The following CNTN5 variants were observed in gnomAD, a reference collection of about 807,000 sequenced individuals.
CNTN5 encodes contactin-5.
CNTN5 carries 77 observed loss-of-function variants against 129.1 expected under a neutral mutation model. The observed-to-expected ratio is 0.60, with a 90% confidence interval of 0.50 to 0.72. The LOEUF is 0.72. Ranked by LOEUF, CNTN5 falls within the 30% of genes least tolerant of loss-of-function variation. CNTN5 has a pLI of 0.00. For missense variants in CNTN5, 1,478 were observed against 1,328.8 expected, an observed-to-expected ratio of 1.11 and a Z score of -1.75; for synonymous variants, 509 against 465.6, an observed-to-expected ratio of 1.09 and a Z score of -1.20.
intron 2 of CNTN5, among the ~76,000 whole-genome samples, chr11:99,388,654 A>C (rs1941062193): frequency 6.6e-6 from 1 of 152,186 alleles, no homozygotes; most frequent in Non-Finnish European, 1.5e-5. Flanking sequence ...CATTGTAAAC[A>C]TGTACTTAAA....
chr11:99,542,548 T>G (rs1948153180), intron 2 of CNTN5, among the ~76,000 whole-genome samples: 3 of 152,188 alleles, frequency 2.0e-5, no homozygotes, highest in African/African-American at 7.2e-5. Context: ...CCGCATTTAC[T>G]TTTGCGCCAA....
chr11:99,573,771 T>A lies in CNTN5; in HGVS notation c.55+17502T>A, dbSNP rs913988710. 5.0e-4 allele frequency among the ~76,000 whole-genome samples: 76 copies of A among 151,716 alleles called. 2 individuals carry two copies. The highest frequency in any genetic ancestry group is 1.0e-4 in the Non-Finnish European group (7 of 67,918). ...CTGACCATTTCCTTTTTTGTCTTCT[T>A]TTCATTGGCCATGCATGCATTTTGG... On this transcript the variant is annotated intron_variant, in intron 3 of 24. Coordinates refer to ENST00000524871, the MANE Select transcript of CNTN5 (RefSeq NM_014361.4).
intron 2 of CNTN5, among the ~76,000 whole-genome samples, chr11:99,482,424 C>T (rs1012614504): frequency 2.6e-5 from 4 of 152,072 alleles, no homozygotes; most frequent in African/African-American, 9.7e-5. Context: ...TATGTTGGAT[C>T]TGTAACAGTT....
intron 8 of CNTN5, among the ~76,000 whole-genome samples, chr11:99,978,640 A>T (rs1486270599): frequency 6.6e-6 from 1 of 152,256 alleles, no homozygotes. Flanking sequence ...GCCTAGGAAC[A>T]ATAGGGTATA....
chr11:100,172,964 A>T (rs952623660), intron 13 of CNTN5, among the ~76,000 whole-genome samples: 11 of 152,116 alleles, frequency 7.2e-5, no homozygotes, highest in African/African-American at 2.7e-4. Flanking sequence ...AGGCAAAGGT[A>T]GCAGAATTGC....
At chr11:99,134,752 A>C (rs2155558) in intron 1 of CNTN5, among the ~76,000 whole-genome samples, 113,884 of 151,972 alleles carry the variant, frequency 0.75, 43,063 homozygotes, top group African/African-American at 0.8. Flanking sequence ...AACAAAACAA[A>C]ATAAATTATG....
Position 99,503,763 on chromosome 11 carries a change from G to A in CNTN5, c.-70-52382G>A, listed in dbSNP as rs1003065710. Among the ~76,000 whole-genome samples, 11 of 152,018 alleles carry A rather than the reference G, an allele frequency of 7.2e-5. No homozygotes were observed. The South Asian group carries it at 1.7e-3, about 23-fold the overall frequency. ...AGATCTATATCTATTACATATAATG[G>A]AATTTTTTTTGTAATATATATTATA... On this transcript the variant is annotated intron_variant, in intron 2 of 24. Coordinates refer to ENST00000524871, the MANE Select transcript of CNTN5 (RefSeq NM_014361.4).
At chr11:99,104,631 C>T (rs12807479) in intron 1 of CNTN5, among the ~76,000 whole-genome samples, 7,174 of 66,876 alleles carry the variant, frequency 0.11, 194 homozygotes, top group Middle Eastern at 0.14. Context: ...TATATATATA[C>T]ACACACACAC....
chr11:99,161,710 C>T (rs1388094156), intron 1 of CNTN5, among the ~76,000 whole-genome samples: 2 of 152,160 alleles, frequency 1.3e-5, no homozygotes, highest in East Asian at 3.9e-4. Context: ...AGGCTTCTAT[C>T]ATTGGCAGCC....
intron 3 of CNTN5, among the ~76,000 whole-genome samples, chr11:99,585,679 A>G (rs917510963): frequency 1.3e-5 from 2 of 152,156 alleles, no homozygotes; most frequent in African/African-American, 4.8e-5. Flanking sequence ...ATGGGCCCTA[A>G]TATCAAAAGG....
At chr11:99,394,209 A>G (rs1015391458) in intron 2 of CNTN5, among the ~76,000 whole-genome samples, 3 of 151,786 alleles carry the variant, frequency 2.0e-5, no homozygotes, top group Non-Finnish European at 3.0e-5. Flanking sequence ...GCTGAACAAA[A>G]TTAAAGTCAA....
chr11:99,382,170 C>T, intron 2 of CNTN5, among the ~76,000 whole-genome samples: 1 of 152,054 alleles, frequency 6.6e-6, no homozygotes, highest in East Asian at 1.9e-4. Flanking sequence ...GACCTTAAAG[C>T]CAGGAAAGAT....
chr11:99,244,804 T>C (rs1003098095), intron 1 of CNTN5, among the ~76,000 whole-genome samples: 1 of 152,198 alleles, frequency 6.6e-6, no homozygotes, highest in African/African-American at 2.4e-5. Context: ...CACCACATGG[T>C]GACTCAATAG....
intron 16 of CNTN5, among the ~76,000 whole-genome samples, chr11:100,232,858 C>T (rs1436267764): frequency 6.6e-6 from 1 of 152,140 alleles, no homozygotes; most frequent in Middle Eastern, 3.2e-3. Context: ...ATAAACATAG[C>T]TAACATTTAT....
intron 8 of CNTN5, among the ~76,000 whole-genome samples, chr11:99,977,193 C>T (rs978355529): frequency 3.6e-4 from 55 of 152,182 alleles, no homozygotes; most frequent in Middle Eastern, 3.2e-3. Flanking sequence ...TCAATAAGTT[C>T]CTCAACTCTA....
intron 15 of CNTN5, among the ~76,000 whole-genome samples, chr11:100,213,978 A>G (rs968832654): frequency 4.6e-5 from 7 of 152,170 alleles, no homozygotes; most frequent in Non-Finnish European, 1.0e-4. Flanking sequence ...ATTTGGTCTT[A>G]AAGCACATAG....
At chr11:100,037,550 C>T (rs201045249) in intron 9 of CNTN5, among the ~76,000 whole-genome samples, 14,112 of 151,882 alleles carry the variant, frequency 0.093, 834 homozygotes, top group East Asian at 0.18. Flanking sequence ...ATGGTACCAG[C>T]TCCTCCTTGT....
intron 7 of CNTN5, among the ~76,000 whole-genome samples, chr11:99,952,303 G>GTTA (rs1950695290): frequency 1.3e-5 from 2 of 152,044 alleles, no homozygotes; most frequent in Admixed American, 6.6e-5. Flanking sequence ...AACTTACTAA[G>GTTA]TTATCCTATT....
intron 6 of CNTN5, among the ~76,000 whole-genome samples, chr11:99,899,335 C>T (rs192404689): frequency 7.6e-4 from 115 of 152,060 alleles, no homozygotes; most frequent in Non-Finnish European, 1.4e-3. Context: ...CAACTTTTCC[C>T]TGTTCAATCT....
Sources: gnomAD v4.1 joint callset for allele counts (sites outside exome capture counted in the v4.1 genomes callset) on GRCh38, gnomAD v4.1.1 for gene constraint, MANE v1.5 for transcripts, NCBI Gene and HGNC (gene_info 2026-07-23, HGNC 2026-07-21) for gene names.